Variants in PLEKHH2 observed in about 807,000 individuals in gnomAD.
PLEKHH2 encodes the protein pleckstrin homology domain-containing family H member 2.
A neutral mutation model predicts 187.9 loss-of-function variants in PLEKHH2; 129 were observed. The ratio of observed to expected loss-of-function variants is 0.69; its 90% confidence interval spans 0.59 to 0.79. PLEKHH2 has a LOEUF of 0.79. PLEKHH2 is among the 30% of genes least tolerant of loss of function. PLEKHH2 has a pLI of 0.00. For synonymous variants in PLEKHH2, 686 were observed against 605.6 expected, an observed-to-expected ratio of 1.13 and a Z score of -1.95; for missense variants, 2,076 against 1,751.2, an observed-to-expected ratio of 1.19 and a Z score of -3.31.
At chr2:43,693,539 A>G (rs1018116518) in intron 4 of PLEKHH2, among the ~76,000 whole-genome samples, 7 of 152,018 alleles carry the variant, frequency 4.6e-5, no homozygotes, top group Non-Finnish European at 8.8e-5. Context: ...TCTGGCTAAC[A>G]TGGTGAAATC....
chr2:43,763,649 T>G (rs1378989759), intron 28 of PLEKHH2, among the ~76,000 whole-genome samples: 3 of 151,270 alleles, frequency 2.0e-5, no homozygotes, highest in Non-Finnish European at 2.9e-5. Context: ...TAGGCTCAAG[T>G]GATCCTCCCA....
intron 1 of PLEKHH2, among the ~76,000 whole-genome samples, chr2:43,639,097 G>A (rs966613320): frequency 2.0e-5 from 3 of 152,090 alleles, no homozygotes; most frequent in African/African-American, 7.2e-5. Context: ...TTTCATATTT[G>A]GGGTTAACAG....
At position 43,763,087 on chromosome 2, in the gene PLEKHH2, AAAAC is replaced by A. The variant is rs576280976; in HGVS notation, c.4158+703_4158+706del. ...ACTGTTTCCCCTTATAATTGCTTAA[AAAAC>A]AAACACACACACACTTTTTTTCAAG... is the stretch of plus-strand genomic sequence containing the variant. On this transcript the variant is annotated intron_variant, in intron 28 of 29. Transcript: ENST00000282406. 3.7e-4 allele frequency among the ~76,000 whole-genome samples: 57 copies of A among 152,348 alleles called. No homozygotes were observed. In the South Asian group the frequency reaches 0.011, roughly 28 times the overall value.
chr2:43,682,488 A>G (rs1296209897), intron 3 of PLEKHH2, among the ~76,000 whole-genome samples: 1 of 152,040 alleles, frequency 6.6e-6, no homozygotes, highest in Non-Finnish European at 1.5e-5. Flanking sequence ...TTGTATTTTT[A>G]GAGAGATGGG....
intron 15 of PLEKHH2, 22 bp downstream of exon 15, chr2:43,712,405 C>G: frequency 1.2e-6 from 2 of 1,609,124 alleles, no homozygotes; most frequent in Non-Finnish European, 1.7e-6. Context: ...CTGTGCATAG[C>G]AATGTCCCAG....
intron 26 of PLEKHH2, 89 bp downstream of exon 26, chr2:43,757,353 A>G (rs1216298597): frequency 1.9e-6 from 2 of 1,054,926 alleles, no homozygotes; most frequent in Non-Finnish European, 2.6e-6. Context: ...GGTGAAAAAC[A>G]TTTGGACAGC....
intron 2 of PLEKHH2, chr2:43,675,253 GT>G (rs1360905569): frequency 1.7e-6 from 1 of 581,980 alleles, no homozygotes; most frequent in Non-Finnish European, 2.8e-6. Context: ...TCTTCATACT[GT>G]TTTCTAATAA....
At chr2:43,637,538 T>C (rs1703166252) in intron 1 of PLEKHH2, among the ~76,000 whole-genome samples, 159 bp downstream of exon 1, 1 of 152,152 alleles carries the variant, frequency 6.6e-6, no homozygotes, top group Non-Finnish European at 1.5e-5. Context: ...GCGGGCTGAC[T>C]CGGGATCCGC....
At chr2:43,678,556 G>A (rs1207969605) in intron 2 of PLEKHH2, among the ~76,000 whole-genome samples, 2 of 152,130 alleles carry the variant, frequency 1.3e-5, no homozygotes, top group East Asian at 3.9e-4. Context: ...AAAAAAATAC[G>A]AAAACCAGTC....
At chr2:43,728,373 G>C (rs1273211432) in intron 17 of PLEKHH2, among the ~76,000 whole-genome samples, 5 of 150,822 alleles carry the variant, frequency 3.3e-5, no homozygotes, top group Non-Finnish European at 7.4e-5. Flanking sequence ...CAGCTACTTG[G>C]GAGGCTGAGG....
intron 2 of PLEKHH2, among the ~76,000 whole-genome samples, chr2:43,678,238 G>A (rs1305854325): frequency 1.3e-5 from 2 of 150,992 alleles, no homozygotes; most frequent in African/African-American, 4.9e-5. Context: ...GGGCAGCCAG[G>A]CAGAGGGGCT....
chr2:43,738,622 A>C, intron 20 of PLEKHH2, 102 bp downstream of exon 20: 1 of 1,178,962 alleles, frequency 8.5e-7, no homozygotes, highest in Non-Finnish European at 1.2e-6. Context: ...GAATACAAAA[A>C]GTGCAGAAGG....
chr2:43,761,859 TATA>T (rs925498674), intron 27 of PLEKHH2, among the ~76,000 whole-genome samples: 4 of 152,214 alleles, frequency 2.6e-5, no homozygotes, highest in African/African-American at 7.2e-5. Flanking sequence ...GGTGTGCAAT[TATA>T]ATAATAATCT....
In PLEKHH2 at chr2:43,753,821, A is replaced by G. The variant is rs148453432; in HGVS notation, c.3795+61A>G. 9.0e-4 allele frequency: 1,166 copies of G among 1,291,600 alleles called. 11 individuals carry two copies. The African/African-American group carries it at 0.016, about 18-fold the overall frequency. 80.0% of individuals were successfully genotyped at this position (1,291,600 alleles called of 1,614,324 possible). On this transcript the variant is annotated intron_variant, in intron 25 of 29. Coordinates refer to ENST00000282406, the MANE Select transcript of PLEKHH2 (RefSeq NM_172069.4). ...TAATATGATACTAATTTCTACACTG[A>G]ATTAAACGTAAAATAATATACTTCA...
chr2:43,728,857 C>A (rs1178680313), intron 17 of PLEKHH2, among the ~76,000 whole-genome samples: 1 of 152,004 alleles, frequency 6.6e-6, no homozygotes, highest in East Asian at 1.9e-4. Context: ...CCACCGTGCC[C>A]GGCCTACAAT....
intron 2 of PLEKHH2, among the ~76,000 whole-genome samples, chr2:43,668,136 GAT>G (rs1001198080): frequency 6.6e-6 from 1 of 152,034 alleles, no homozygotes; most frequent in Admixed American, 6.5e-5. Flanking sequence ...GGGTTCAAGT[GAT>G]TCTCCTGCCT....
chr2:43,643,645 G>A (rs1666050491), intron 1 of PLEKHH2, among the ~76,000 whole-genome samples: 1 of 151,970 alleles, frequency 6.6e-6, no homozygotes, highest in Non-Finnish European at 1.5e-5. Context: ...CCATTCCAGG[G>A]CTCTGAGAGT....
At chr2:43,641,941 T>G (rs540692415) in intron 1 of PLEKHH2, among the ~76,000 whole-genome samples, 2 of 152,304 alleles carry the variant, frequency 1.3e-5, no homozygotes, top group African/African-American at 4.8e-5. Flanking sequence ...AACTTTTCAA[T>G]TTTATTTTGT....
intron 26 of PLEKHH2, among the ~76,000 whole-genome samples, 194 bp from the exon 27 acceptor site, chr2:43,758,706 T>C (rs750033072): frequency 1.3e-4 from 20 of 152,192 alleles, no homozygotes; most frequent in Middle Eastern, 3.2e-3. Flanking sequence ...GAGAATTTGG[T>C]GAAAGGAATA....
Sources: gnomAD v4.1 joint callset for allele counts (sites outside exome capture counted in the v4.1 genomes callset) on GRCh38, gnomAD v4.1.1 for gene constraint, MANE v1.5 for transcripts, NCBI Gene and HGNC (gene_info 2026-07-23, HGNC 2026-07-21) for gene names.